The following TSBP1 variants were observed in gnomAD, a reference collection of about 807,000 sequenced individuals.
TSBP1 encodes the protein testis-expressed basic protein 1.
A neutral mutation model predicts 68.8 loss-of-function variants in TSBP1; 56 were observed. The observed-to-expected ratio is 0.81, with a 90% CI of 0.66 to 1.02. The LOEUF (loss-of-function observed/expected upper bound fraction) is 1.02, where lower values mean the gene tolerates loss of function less well. Among genes scored for constraint, TSBP1 ranks in the 50% least tolerant of loss-of-function variants. TSBP1 has a pLI of 0.00. For missense variants in TSBP1, 502 were observed against 641.2 expected, an observed-to-expected ratio of 0.78 and a Z score of 2.34; for synonymous variants, 171 against 208.7, an observed-to-expected ratio of 0.82 and a Z score of 1.56.
chr6:32,327,810 G>T (rs1309811793), intron 16 of TSBP1, among the ~76,000 whole-genome samples: 53 of 117,706 alleles, frequency 4.5e-4, no homozygotes, highest in Non-Finnish European at 7.7e-4. Flanking sequence ...TTTTTTTTTT[G>T]AGACGGAGTC....
In TSBP1 at chr6:32,324,545, G is replaced by C. The variant is rs1322280675; in HGVS notation, c.515-931C>G. 2.8e-6 allele frequency: 4 copies of C among 1,403,876 alleles called. No individual in the cohort carries two copies. The African/African-American group carries it at 5.7e-5, about 20-fold the overall frequency. 87.0% of individuals were successfully genotyped at this position (1,403,876 alleles called of 1,614,324 possible). On this transcript the variant is annotated intron_variant, in intron 16 of 22. Transcript: ENST00000612031. ...GGTTTTGATAATGAGACAGCAAGAGGCCAAGATATATCTCAAGCCCTTTGT... is the reference window on the plus strand; with the variant it reads ...GGTTTTGATAATGAGACAGCAAGAGCCCAAGATATATCTCAAGCCCTTTGT...
rs146607649 is a variant in TSBP1, at chr6:32,296,554, A to G, written c.638-2519T>C. On this transcript the variant is annotated intron_variant, in intron 22 of 22. Transcript: ENST00000612031. ...GAGAAAAATAGTTCAGAATATTTTG[A>G]TCTTCGACAGTGCTACCAGTGGACA... Among the ~76,000 whole-genome samples, 1,019 of 152,286 alleles carry G rather than the reference A, an allele frequency of 6.7e-3. 18 individuals carry two copies. Among genetic ancestry groups the G allele is most frequent in the East Asian group, 0.02 (103 of 5,182 alleles).
intron 4 of TSBP1, among the ~76,000 whole-genome samples, chr6:32,366,582 T>C (rs949281946): frequency 2.0e-5 from 3 of 150,668 alleles, no homozygotes; most frequent in African/African-American, 7.3e-5. Flanking sequence ...GCTAACACGG[T>C]GAAACCCCGT....
chr6:32,338,960 G>A lies in TSBP1; in HGVS notation c.409+19C>T. The A allele has an allele frequency of 6.2e-7, 1 of 1,600,422 alleles. No homozygotes were observed. Among genetic ancestry groups the A allele is most frequent in the East Asian group, 2.2e-5 (1 of 44,788 alleles). ...TAAAGCAAAGCACATGAGAATTAAA[G>A]GGCAGAAAAAGAACTTACTCATGGC... On this transcript the variant is annotated intron_variant, in intron 11 of 22. Transcript: ENST00000612031. This position sits in a 1 kb window ranked among gnomAD's most constrained non-coding sequence, Gnocchi z 5.5.
At position 32,302,607 on chromosome 6, in the gene TSBP1, A is replaced by G; in HGVS notation, c.601+2T>C. On this transcript the variant is annotated splice_donor_variant, in intron 20 of 22. Coordinates refer to ENST00000612031, the Ensembl canonical transcript of TSBP1. LOFTEE classifies it high-confidence loss of function. This position sits in a 1 kb window ranked among gnomAD's most constrained non-coding sequence, Gnocchi z 5.1. ...TGTAATAAAAATATATTAGGAACTTACTAGTGTGAACTTGAGGTATTCCTG... is the reference window on the plus strand; with the variant it reads ...TGTAATAAAAATATATTAGGAACTTGCTAGTGTGAACTTGAGGTATTCCTG... 1.3e-6 allele frequency: 2 copies of G among 1,541,588 alleles called. No individual in the cohort carries two copies. Among genetic ancestry groups the G allele is most frequent in the Non-Finnish European group, 1.8e-6 (2 of 1,142,704 alleles).
chr6:32,310,817 C>A (rs1766326271), intron 19 of TSBP1, among the ~76,000 whole-genome samples: 1 of 150,864 alleles, frequency 6.6e-6, no homozygotes, highest in Non-Finnish European at 1.5e-5. Context: ...AGGTAAGCCA[C>A]AACCTATCAG....
At chr6:32,367,660 C>T (rs765889804) in intron 4 of TSBP1, among the ~76,000 whole-genome samples, 4 of 152,190 alleles carry the variant, frequency 2.6e-5, no homozygotes, top group African/African-American at 7.2e-5. Flanking sequence ...TGTTTCGGAG[C>T]GGTTCCTTAA....
chr6:32,329,913 C>T (rs9296021), intron 16 of TSBP1, among the ~76,000 whole-genome samples: 51,208 of 152,096 alleles, frequency 0.34, 9,686 homozygotes, highest in Middle Eastern at 0.52. Flanking sequence ...TGAACTTTCA[C>T]TTTATTCTCT....
chr6:32,321,313 C>A lies in TSBP1; in HGVS notation c.559+1804G>T, dbSNP rs1382568484. Among the ~76,000 whole-genome samples, 1 of 152,032 alleles carries A rather than the reference C, an allele frequency of 6.6e-6. No individual in the cohort carries two copies. Among genetic ancestry groups the A allele is most frequent in the Non-Finnish European group, 1.5e-5 (1 of 67,998 alleles). On this transcript the variant is annotated intron_variant, in intron 18 of 22. Coordinates refer to ENST00000612031, the Ensembl canonical transcript of TSBP1. This position sits in a 1 kb window ranked among gnomAD's most constrained non-coding sequence, Gnocchi z 4.3. ...CTCTACTAGGATGATATATAGGATCCAAGACCCTATATATCTATTGGGTCT... is the reference window on the plus strand; with the variant it reads ...CTCTACTAGGATGATATATAGGATCAAAGACCCTATATATCTATTGGGTCT...
exon 23 of TSBP1, chr6:32,293,527 T>A: frequency 6.2e-7 from 1 of 1,611,990 alleles, no homozygotes. Context: ...TCTTCTTTAC[T>A]TGGGATTCCT....
At chr6:32,327,494 G>C (rs1768355083) in intron 16 of TSBP1, among the ~76,000 whole-genome samples, 1 of 152,130 alleles carries the variant, frequency 6.6e-6, no homozygotes, top group African/African-American at 2.4e-5. Context: ...CCTCAGACCT[G>C]TTTCTGCTGG....
intron 1 of TSBP1, among the ~76,000 whole-genome samples, chr6:32,370,852 G>A (rs78512112): frequency 2.0e-5 from 1 of 48,782 alleles, no homozygotes; most frequent in Non-Finnish European, 4.2e-5. Flanking sequence ...AGAAAAAAAA[G>A]AAAAGAGAGA....
intron 9 of TSBP1, among the ~76,000 whole-genome samples, chr6:32,345,125 G>C (rs548872322): frequency 6.6e-6 from 1 of 151,192 alleles, no homozygotes; most frequent in Admixed American, 6.6e-5. Context: ...AAAGTGCTGG[G>C]ATTACAGGTG....
rs188309731 is a variant in TSBP1 at position 32,335,468 on chromosome 6, A to G, written c.452-11T>C. 6.2e-3 allele frequency: 9,051 copies of G among 1,470,922 alleles called. 89 individuals carry two copies. The Middle Eastern group carries it at 0.074, about 12-fold the overall frequency. 91.1% of individuals were successfully genotyped at this position (1,470,922 alleles called of 1,614,324 possible). A position where few individuals can be genotyped will look rare whatever the true frequency, so the allele number is the denominator to read the frequency against. ...TTTTTTGAGAGAGCTCTAAAAAAAA[A>G]AGAGAAAAGAAATCAGTAGCTATAT... On this transcript the variant is annotated splice_polypyrimidine_tract_variant and intron_variant, in intron 13 of 22. Coordinates refer to ENST00000612031, the Ensembl canonical transcript of TSBP1. This position sits in a 1 kb window ranked among gnomAD's most constrained non-coding sequence, Gnocchi z 5.5.
intron 4 of TSBP1, among the ~76,000 whole-genome samples, chr6:32,367,243 A>AAGAG (rs67714335): frequency 0.013 from 1,752 of 130,726 alleles, 54 homozygotes; most frequent in Middle Eastern, 0.05. Flanking sequence ...GAGGGAAGGA[A>AAGAG]AGAGAGAGAG....
Position 32,315,678 on chromosome 6 carries a change from T to G in TSBP1, c.580+94A>C. The G allele has an allele frequency of 1.3e-6, 1 of 792,290 alleles. No homozygotes were observed. Among genetic ancestry groups the G allele is most frequent in the Non-Finnish European group, 1.9e-6 (1 of 523,918 alleles). 49.1% of individuals were successfully genotyped at this position (792,290 alleles called of 1,614,324 possible). On this transcript the variant is annotated intron_variant, in intron 19 of 22. Transcript: ENST00000612031. The surrounding 1 kb of genome is among the most constrained non-coding windows in gnomAD (Gnocchi z 5.4). ...TGGGTAATGTAGAAGCAAATGAATA[T>G]GAGAAATATGAGTCTCAATCTTTTG...
In TSBP1 at chr6:32,368,905, C is replaced by T; in HGVS notation, c.101-91G>A. On this transcript the variant is annotated intron_variant, in intron 2 of 22. Coordinates refer to ENST00000612031, the Ensembl canonical transcript of TSBP1. ...ACTCTTCTCACTCTAAGCTATGCTTCTTGCTTACCAAGGTGGTCCTCCTGA... is the reference window on the plus strand; with the variant it reads ...ACTCTTCTCACTCTAAGCTATGCTTTTTGCTTACCAAGGTGGTCCTCCTGA... 6 of 1,437,456 alleles carry T rather than the reference C, an allele frequency of 4.2e-6. No homozygotes were observed. The South Asian group carries it at 8.3e-5, about 20-fold the overall frequency. 89.0% of individuals were successfully genotyped at this position (1,437,456 alleles called of 1,614,324 possible).
At chr6:32,295,332 T>C (rs1420770287) in intron 22 of TSBP1, among the ~76,000 whole-genome samples, 8 of 83,950 alleles carry the variant, frequency 9.5e-5, no homozygotes, top group Non-Finnish European at 1.5e-4. Context: ...TGATACTCCA[T>C]CTCACACACA....
chr6:32,355,706 GA>G (rs771125178), intron 6 of TSBP1, 37 bp from the exon 7 acceptor site: 1 of 1,572,824 alleles, frequency 6.4e-7, no homozygotes, highest in Admixed American at 1.7e-5. Context: ...AATCAATTTG[GA>G]TATTCTATTT....
Sources: allele counts gnomAD v4.1 joint callset (sites outside exome capture counted in the v4.1 genomes callset), GRCh38; gene constraint gnomAD v4.1.1; non-coding constraint Gnocchi (gnomAD v3.1); transcripts MANE v1.5; gene names NCBI Gene and HGNC (gene_info 2026-07-23, HGNC 2026-07-21).